PTPRD: variants seen among roughly 807,000 people sequenced by gnomAD.
PTPRD encodes the protein protein tyrosine phosphatase receptor type D, also known as receptor-type tyrosine-protein phosphatase delta.
In PTPRD, 34 loss-of-function variants were observed where a neutral mutation model predicts 214.5. That is an observed-to-expected ratio of 0.16 (90% CI 0.12 to 0.21). The LOEUF (loss-of-function observed/expected upper bound fraction) is 0.21, where lower values mean the gene tolerates loss of function less well. Ranked by LOEUF, PTPRD falls within the 10% of genes least tolerant of loss-of-function variation. The probability of loss-of-function intolerance (pLI) is 1.00; values close to 1 mark genes in which losing one functional copy is unlikely to be tolerated. For synonymous variants in PTPRD, 1,128 were observed against 845.7 expected, an observed-to-expected ratio of 1.33 and a Z score of -5.79; for missense variants, 2,545 against 2,398.7, an observed-to-expected ratio of 1.06 and a Z score of -1.27.
intron 10 of PTPRD, among the ~76,000 whole-genome samples, chr9:9,140,508 T>C (rs1200994947): frequency 1.3e-5 from 2 of 152,212 alleles, no homozygotes; most frequent in Non-Finnish European, 2.9e-5. Flanking sequence ...AACATTCAGA[T>C]GACAACCGGG....
At chr9:10,033,841 A>G (rs1212083749) in intron 3 of PTPRD, 51 bp from the exon 4 acceptor site, 1 of 152,156 alleles carries the variant, frequency 6.6e-6, no homozygotes, top group African/African-American at 2.4e-5. Flanking sequence ...TGGCAGTTGT[A>G]TTATGTCACA....
intron 3 of PTPRD, among the ~76,000 whole-genome samples, chr9:10,184,223 G>A (rs149788466): frequency 0.018 from 2,751 of 152,080 alleles, 57 homozygotes; most frequent in African/African-American, 0.044. Flanking sequence ...TCAGGGGTTC[G>A]AGACCAGCCT....
intron 3 of PTPRD, among the ~76,000 whole-genome samples, chr9:10,300,627 ACAGTGTAAAC>A (rs2095834360): frequency 6.6e-6 from 1 of 152,128 alleles, no homozygotes; most frequent in African/African-American, 2.4e-5. Context: ...TTTTACCCTC[ACAGTGTAAAC>A]AAAGCCACCA....
intron 35 of PTPRD, among the ~76,000 whole-genome samples, chr9:8,413,188 T>A (rs1042963532): frequency 1.1e-4 from 17 of 152,332 alleles, no homozygotes; most frequent in African/African-American, 3.8e-4. Context: ...TAAACATAGA[T>A]GTATTTTAGG....
chr9:10,522,763 T>C (rs903351884), intron 2 of PTPRD, among the ~76,000 whole-genome samples: 7 of 152,050 alleles, frequency 4.6e-5, no homozygotes, highest in African/African-American at 1.7e-4. Context: ...TGAGGGTTCT[T>C]TCAGTCTGAG....
At chr9:9,288,546 A>C (rs1039616699) in intron 9 of PTPRD, among the ~76,000 whole-genome samples, 2 of 151,942 alleles carry the variant, frequency 1.3e-5, no homozygotes, top group African/African-American at 4.8e-5. Context: ...TAAAAACAGA[A>C]AATTATTAAT....
At chr9:8,465,403 C>T (rs1432987218) in intron 32 of PTPRD, 63 bp downstream of exon 32, 2 of 1,467,964 alleles carry the variant, frequency 1.4e-6, no homozygotes, top group African/African-American at 2.8e-5. Flanking sequence ...CCCCAAATAA[C>T]CACATTCCAG....
chr9:10,591,851 C>G (rs1412432124), intron 2 of PTPRD, among the ~76,000 whole-genome samples: 1 of 152,076 alleles, frequency 6.6e-6, no homozygotes, highest in Admixed American at 6.6e-5. Flanking sequence ...CCCTAGCAAG[C>G]CCACATGGCA....
At chr9:10,554,537 A>G (rs1190854530) in intron 2 of PTPRD, among the ~76,000 whole-genome samples, 2 of 152,222 alleles carry the variant, frequency 1.3e-5, no homozygotes, top group South Asian at 4.1e-4. Context: ...CTAGTTTCAT[A>G]ACAGCATCAG....
intron 8 of PTPRD, among the ~76,000 whole-genome samples, chr9:9,408,089 A>C (rs1290928251): frequency 6.6e-6 from 1 of 151,862 alleles, no homozygotes; most frequent in African/African-American, 2.4e-5. Flanking sequence ...AGAAGCTATG[A>C]AAGTAACATT....
At chr9:10,029,873 G>C (rs1046249143) in intron 4 of PTPRD, among the ~76,000 whole-genome samples, 1 of 152,128 alleles carries the variant, frequency 6.6e-6, no homozygotes, top group Non-Finnish European at 1.5e-5. Context: ...ATGTGGTTTG[G>C]CTGTGTCCCC....
At chr9:9,205,957 T>C (rs1206780356) in intron 9 of PTPRD, among the ~76,000 whole-genome samples, 1 of 152,188 alleles carries the variant, frequency 6.6e-6, no homozygotes, top group Admixed American at 6.5e-5. Context: ...GTAGTGAGTA[T>C]AGCAGAGGGT....
chr9:8,978,987 G>A (rs1044118342), intron 11 of PTPRD, among the ~76,000 whole-genome samples: 1 of 152,054 alleles, frequency 6.6e-6, no homozygotes, highest in African/African-American at 2.4e-5. Context: ...TTTTTTTAAT[G>A]TTTACAGTCA....
chr9:9,926,476 T>C (rs2084354725), intron 5 of PTPRD, among the ~76,000 whole-genome samples: 1 of 152,076 alleles, frequency 6.6e-6, no homozygotes, highest in Admixed American at 6.6e-5. Flanking sequence ...CTTGGAACGA[T>C]GTATTTTTTT....
intron 11 of PTPRD, among the ~76,000 whole-genome samples, chr9:8,885,778 T>G (rs1028580921): frequency 6.6e-6 from 1 of 152,136 alleles, no homozygotes; most frequent in Non-Finnish European, 1.5e-5. Flanking sequence ...ATTATCAGCG[T>G]GACCCACCGT....
intron 34 of PTPRD, chr9:8,437,274 T>C (rs2095390483): frequency 2.8e-6 from 4 of 1,443,104 alleles, no homozygotes; most frequent in African/African-American, 1.4e-5. Flanking sequence ...TAAAATAAAA[T>C]AGAACAAATT....
At chr9:10,230,403 T>C (rs1394788158) in intron 3 of PTPRD, among the ~76,000 whole-genome samples, 2 of 151,232 alleles carry the variant, frequency 1.3e-5, no homozygotes, top group African/African-American at 4.9e-5. Flanking sequence ...TATCTATCTC[T>C]CTATGTATCT....
At chr9:9,224,999 A>G (rs999616974) in intron 9 of PTPRD, among the ~76,000 whole-genome samples, 1 of 151,992 alleles carries the variant, frequency 6.6e-6, no homozygotes, top group Non-Finnish European at 1.5e-5. Flanking sequence ...GATCCAGTGA[A>G]TTGGTTAAAC....
At chr9:9,140,539 G>T (rs767869216) in intron 10 of PTPRD, among the ~76,000 whole-genome samples, 2 of 152,176 alleles carry the variant, frequency 1.3e-5, no homozygotes, top group South Asian at 2.1e-4. Flanking sequence ...CTTTCAAGAC[G>T]CTGGGGATTG....
Sources: allele counts gnomAD v4.1 joint callset (sites outside exome capture counted in the v4.1 genomes callset), GRCh38; gene constraint gnomAD v4.1.1; transcripts MANE v1.5; gene names NCBI Gene and HGNC (gene_info 2026-07-23, HGNC 2026-07-21).